The following PHACTR2 variants were observed in gnomAD, a reference collection of about 807,000 sequenced individuals.
The protein encoded by PHACTR2 is phosphatase and actin regulator 2.
In PHACTR2, 30 loss-of-function variants were observed where a neutral mutation model predicts 76.0. The observed-to-expected ratio is 0.39, with a 90% CI of 0.30 to 0.54. The LOEUF (loss-of-function observed/expected upper bound fraction) is 0.54, where lower values mean the gene tolerates loss of function less well. Among genes scored for constraint, PHACTR2 ranks in the 20% least tolerant of loss-of-function variants. PHACTR2 has a pLI of 0.61. For missense variants in PHACTR2, 696 were observed against 781.1 expected (o/e 0.89, Z 1.30); for synonymous variants, 292 against 292.5 (o/e 1.00, Z 0.02).
chr6:143,555,065 C>T (rs1025155639), intron 1 of PHACTR2: 5 of 152,050 alleles, frequency 3.3e-5, no homozygotes, highest in Admixed American at 1.3e-4. Context: ...CATACACATA[C>T]GGAGGATTTA....
intron 1 of PHACTR2, among the ~76,000 whole-genome samples, chr6:143,629,131 A>C (rs1212248493): frequency 1.3e-5 from 2 of 151,692 alleles, no homozygotes; most frequent in Non-Finnish European, 2.9e-5. Flanking sequence ...GTTTTCTTAA[A>C]GATGTCCATA....
chr6:143,592,779 G>A lies in PHACTR2; in HGVS notation c.217+55572G>A, dbSNP rs1223857945. ...ATCCCAACCTTGGGCTGGGCACGGT[G>A]GCTCAAGCCTGTAATCCCAGCACTT... On this transcript the variant is annotated intron_variant, in intron 1 of 11. Coordinates refer to the PHACTR2 transcript ENST00000367584. This position sits in a 1 kb window ranked among gnomAD's most constrained non-coding sequence, Gnocchi z 4.0. Among the ~76,000 whole-genome samples, 2 of 152,056 alleles carry A rather than the reference G, an allele frequency of 1.3e-5. No individual in the cohort carries two copies. The highest frequency in any genetic ancestry group is 4.8e-5 in the African/African-American group (2 of 41,384).
rs949903981 is a variant in PHACTR2 at position 143,830,684 on chromosome 6, A to G, written c.*6995A>G. ...TATTTAAAAAGCAAAATTCTGCTCT[A>G]TTTAGTTGTATAATATTAGAGGATA... On this transcript the variant is annotated 3_prime_UTR_variant, in exon 13 of 13. Transcript: ENST00000440869. 4 of 152,170 alleles carry G rather than the reference A, an allele frequency of 2.6e-5. No homozygotes were observed. The highest frequency in any genetic ancestry group is 9.7e-5 in the African/African-American group (4 of 41,446). 9.4% of individuals were successfully genotyped at this position (152,170 alleles called of 1,614,324 possible).
rs1776089946 is a variant in PHACTR2, at chr6:143,618,254, C to CT, written c.13+9932_13+9933insT. 5.2e-5 allele frequency among the ~76,000 whole-genome samples: 5 copies of CT among 96,196 alleles called. No homozygotes were observed. In the South Asian group the frequency reaches 1.6e-3, roughly 31 times the overall value. The allele number at this position is 96,196 out of a possible 152,430, so 63.1% of individuals were successfully genotyped here. Reference sequence around the variant, plus strand: ...CTGTTCCACCTTGTACTTCCTGCTCCAAACACACACACACACACACACACA... The same window carrying CT: ...CTGTTCCACCTTGTACTTCCTGCTCCTAAACACACACACACACACACACACA... On this transcript the variant is annotated intron_variant, in intron 1 of 11. Transcript: ENST00000305766. The surrounding 1 kb of genome is among the most constrained non-coding windows in gnomAD (Gnocchi z 5.2).
intron 1 of PHACTR2, among the ~76,000 whole-genome samples, chr6:143,576,036 A>G (rs1775503202): frequency 6.6e-6 from 1 of 152,236 alleles, no homozygotes; most frequent in Non-Finnish European, 1.5e-5. Context: ...ACTAAATTGA[A>G]TCTTTTCTAA....
At position 143,800,792 on chromosome 6, in the gene PHACTR2, A is replaced by G. The variant is rs774730287; in HGVS notation, c.1846-6265A>G. Among the ~76,000 whole-genome samples, 1 of 152,176 alleles carries G rather than the reference A, an allele frequency of 6.6e-6. No homozygotes were observed. The highest frequency in any genetic ancestry group is 6.5e-5 in the Admixed American group (1 of 15,268). On this transcript the variant is annotated intron_variant, in intron 11 of 12. Coordinates refer to ENST00000440869, the MANE Select transcript of PHACTR2 (RefSeq NM_001100164.2). The surrounding 1 kb of genome is among the most constrained non-coding windows in gnomAD (Gnocchi z 4.8). ...GTTGATGCAGTTTCTTCCTAGCATC[A>G]GTGGTCTTTACAATTTGGCATGTTT...
intron 1 of PHACTR2, among the ~76,000 whole-genome samples, chr6:143,634,877 C>T (rs1302032175): frequency 1.3e-5 from 2 of 152,062 alleles, no homozygotes; most frequent in Non-Finnish European, 2.9e-5. Context: ...AGTGGGGCGT[C>T]ACAAATTTAA....
Position 143,830,958 on chromosome 6 carries a change from C to T in PHACTR2, c.*7269C>T, listed in dbSNP as rs2128489553. ...AGCTTCACCTAAGTTTTTAACACCT[C>T]TTTGTATGTAAGGTCTTGAGACATG... On this transcript the variant is annotated 3_prime_UTR_variant, in exon 13 of 13. Transcript: ENST00000440869. 6.6e-6 allele frequency: 1 copy of T among 152,268 alleles called. No homozygotes were observed. The highest frequency in any genetic ancestry group is 1.5e-5 in the Non-Finnish European group (1 of 68,002). 9.4% of individuals were successfully genotyped at this position (152,268 alleles called of 1,614,324 possible). A position where few individuals can be genotyped will look rare whatever the true frequency, so the allele number is the denominator to read the frequency against.
intron 1 of PHACTR2, among the ~76,000 whole-genome samples, chr6:143,560,369 T>G (rs1001012430): frequency 6.6e-6 from 1 of 152,222 alleles, no homozygotes; most frequent in Non-Finnish European, 1.5e-5. Context: ...TCTGTATCTT[T>G]AAATTAGTCT....
Position 143,581,741 on chromosome 6 carries a change from G to T in PHACTR2, c.217+44534G>T, listed in dbSNP as rs1273828966. Among the ~76,000 whole-genome samples the T allele has an allele frequency of 6.6e-6, 1 of 152,068 alleles. No homozygotes were observed. The highest frequency in any genetic ancestry group is 1.5e-5 in the Non-Finnish European group (1 of 68,014). On this transcript the variant is annotated intron_variant, in intron 1 of 11. Coordinates refer to the PHACTR2 transcript ENST00000367584. This position sits in a 1 kb window ranked among gnomAD's most constrained non-coding sequence, Gnocchi z 4.5. Reference sequence around the variant, plus strand: ...AGCTAGTCAGGAGGGTGAGGCAGGAGGATCACCTGAGCCTGGGAAAGTCGA... The same window carrying T: ...AGCTAGTCAGGAGGGTGAGGCAGGATGATCACCTGAGCCTGGGAAAGTCGA...
At chr6:143,736,121 T>G (rs1778812764) in intron 2 of PHACTR2, among the ~76,000 whole-genome samples, 1 of 152,154 alleles carries the variant, frequency 6.6e-6, no homozygotes, top group Non-Finnish European at 1.5e-5. Flanking sequence ...CTCTAACTCC[T>G]GGGTACAAGC....
In PHACTR2 at chr6:143,590,692, A is replaced by G. The variant is rs139942530; in HGVS notation, c.217+53485A>G. Among the ~76,000 whole-genome samples the G allele has an allele frequency of 6.6e-3, 1,008 of 152,286 alleles. 15 individuals carry two copies. The highest frequency in any genetic ancestry group is 0.023 in the African/African-American group (946 of 41,548). On this transcript the variant is annotated intron_variant, in intron 1 of 11. Coordinates refer to the PHACTR2 transcript ENST00000367584. ...TCAATGGCTTTCTTTCTATCTCTCT[A>G]TGTACAGGAACACGCTGTCTTAGAT...
chr6:143,694,179 A>AGGAG (rs761367104), intron 1 of PHACTR2, among the ~76,000 whole-genome samples: 1 of 140,268 alleles, frequency 7.1e-6, no homozygotes, highest in African/African-American at 2.6e-5. Flanking sequence ...GAGGGAAGGA[A>AGGAG]GGAGGGAGGG....
At position 143,806,144 on chromosome 6, in the gene PHACTR2, G is replaced by A. The variant is rs1400981034; in HGVS notation, c.1846-913G>A. On this transcript the variant is annotated intron_variant, in intron 11 of 12. Coordinates refer to ENST00000440869, the MANE Select transcript of PHACTR2 (RefSeq NM_001100164.2). The surrounding 1 kb of genome is among the most constrained non-coding windows in gnomAD (Gnocchi z 5.8). ...AAAATAAGCAAAAATTTGAAACCAC[G>A]AACCATCTGTAATCCTGCCACTATT... Among the ~76,000 whole-genome samples the A allele has an allele frequency of 6.6e-6, 1 of 152,174 alleles. No individual in the cohort carries two copies. Among genetic ancestry groups the A allele is most frequent in the East Asian group, 1.9e-4 (1 of 5,180 alleles).
chr6:143,756,309 CCTCCTCTGCCTAATACTAGAGACTT>C (rs1343858177), intron 4 of PHACTR2, among the ~76,000 whole-genome samples: 1 of 152,116 alleles, frequency 6.6e-6, no homozygotes, highest in Admixed American at 6.5e-5. Context: ...TGGTCTTGGG[CCTCCTCTGCCTAATACTAGAGACTT>C]CTTCCTTAAG....
In PHACTR2 at chr6:143,807,974, G is replaced by A. The variant is rs1233118032; in HGVS notation, c.1922+841G>A. On this transcript the variant is annotated intron_variant, in intron 12 of 12. Transcript: ENST00000440869. The surrounding 1 kb of genome is among the most constrained non-coding windows in gnomAD (Gnocchi z 5.5). ...AACTTCCCTGAAATTGATGGGGGAG[G>A]AGTGAGGTTTGTTATCATAGACTTG... Among the ~76,000 whole-genome samples the A allele has an allele frequency of 6.6e-6, 1 of 152,084 alleles. No individual in the cohort carries two copies. Among genetic ancestry groups the A allele is most frequent in the Admixed American group, 6.5e-5 (1 of 15,274 alleles).
chr6:143,691,160 A>G (rs1012941010), intron 1 of PHACTR2, among the ~76,000 whole-genome samples: 2 of 152,182 alleles, frequency 1.3e-5, no homozygotes, highest in East Asian at 1.9e-4. Context: ...AAAACAAATT[A>G]TAGGTTAGTG....
Position 143,809,017 on chromosome 6 carries a change from T to TA in PHACTR2, c.1922+1885dup, listed in dbSNP as rs1387956171. Among the ~76,000 whole-genome samples, 9 of 152,224 alleles carry TA rather than the reference T, an allele frequency of 5.9e-5. No homozygotes were observed. The highest frequency in any genetic ancestry group is 1.3e-4 in the Non-Finnish European group (9 of 68,040). ...TGGGGCCTCCGGGCAACTGGGAAGA[T>TA]AGAGTGCTTGGTGCAGTTGGGTCCT... On this transcript the variant is annotated intron_variant, in intron 12 of 12. Coordinates refer to ENST00000440869, the MANE Select transcript of PHACTR2 (RefSeq NM_001100164.2). The surrounding 1 kb of genome is among the most constrained non-coding windows in gnomAD (Gnocchi z 4.2).
rs182538939 is a variant in PHACTR2 at position 143,648,090 on chromosome 6, G to A, written c.13+39768G>A. On this transcript the variant is annotated intron_variant, in intron 1 of 11. Coordinates refer to the PHACTR2 transcript ENST00000305766. This position sits in a 1 kb window ranked among gnomAD's most constrained non-coding sequence, Gnocchi z 6.7. ...TGGGAACTGGTGGGTGATGACATTT[G>A]GGGTCTGTTTTGAGAATTCAGGGGA... Among the ~76,000 whole-genome samples the A allele has an allele frequency of 2.0e-4, 31 of 152,262 alleles. No individual in the cohort carries two copies. Among genetic ancestry groups the A allele is most frequent in the African/African-American group, 7.5e-4 (31 of 41,568 alleles).
Sources: gnomAD v4.1 joint callset for allele counts (sites outside exome capture counted in the v4.1 genomes callset) on GRCh38, gnomAD v4.1.1 for gene constraint, Gnocchi (gnomAD v3.1) non-coding constraint, MANE v1.5 for transcripts, NCBI Gene and HGNC (gene_info 2026-07-23, HGNC 2026-07-21) for gene names.